Variants in CTNNBL1 observed in about 807,000 individuals in gnomAD.
CTNNBL1 encodes the protein beta-catenin-like protein 1.
A neutral mutation model predicts 72.7 loss-of-function variants in CTNNBL1; 31 were observed. That is an observed-to-expected ratio of 0.43 (90% CI 0.32 to 0.58). The LOEUF (loss-of-function observed/expected upper bound fraction) is 0.58. CTNNBL1 is among the 20% of genes least tolerant of loss of function. The pLI, the probability that CTNNBL1 is intolerant of heterozygous loss-of-function variation, is 0.08. For missense variants in CTNNBL1, 534 were observed against 725.1 expected, an observed-to-expected ratio of 0.74 and a Z score of 3.03; for synonymous variants, 240 against 267.3, an observed-to-expected ratio of 0.90 and a Z score of 1.00.
intron 10 of CTNNBL1, among the ~76,000 whole-genome samples, chr20:37,789,280 G>A (rs1040641561): frequency 4.6e-5 from 7 of 152,162 alleles, no homozygotes; most frequent in Non-Finnish European, 8.8e-5. Flanking sequence ...TTTGTGCATC[G>A]GGCAGCTCAG....
At chr20:37,785,874 C>T (rs2073668670) in intron 10 of CTNNBL1, among the ~76,000 whole-genome samples, 1 of 152,148 alleles carries the variant, frequency 6.6e-6, no homozygotes, top group Non-Finnish European at 1.5e-5. Context: ...TGTTTGTATT[C>T]ATCCTTCTTG....
intron 4 of CTNNBL1, among the ~76,000 whole-genome samples, chr20:37,748,013 C>T (rs541125159): frequency 6.6e-6 from 1 of 152,212 alleles, no homozygotes; most frequent in Admixed American, 6.5e-5. Context: ...ATTGCAAAGG[C>T]TTTTGATGTG....
At chr20:37,792,604 C>T (rs1348337821) in intron 10 of CTNNBL1, among the ~76,000 whole-genome samples, 1 of 152,098 alleles carries the variant, frequency 6.6e-6, no homozygotes, top group Non-Finnish European at 1.5e-5. Flanking sequence ...CTCGTTGGAG[C>T]ATTTTGAATT....
chr20:37,802,782 T>C, intron 10 of CTNNBL1, 85 bp from the exon 11 acceptor site: 1 of 1,076,574 alleles, frequency 9.3e-7, no homozygotes, highest in Non-Finnish European at 1.4e-6. Flanking sequence ...ATGTATAATG[T>C]GTACGGCAGC....
chr20:37,866,515 G>A (rs2072538285), intron 15 of CTNNBL1, among the ~76,000 whole-genome samples: 1 of 152,330 alleles, frequency 6.6e-6, no homozygotes, highest in South Asian at 2.1e-4. Flanking sequence ...ATGAGGTGAA[G>A]TGCTGTATGT....
chr20:37,762,665 G>T (rs917078915), intron 5 of CTNNBL1, among the ~76,000 whole-genome samples: 2 of 152,186 alleles, frequency 1.3e-5, no homozygotes, highest in Admixed American at 6.5e-5. Flanking sequence ...GACCCAAGGG[G>T]TTAGAGGGAA....
intron 1 of CTNNBL1, among the ~76,000 whole-genome samples, chr20:37,709,205 T>G (rs960581160): frequency 6.6e-6 from 1 of 152,206 alleles, no homozygotes; most frequent in Non-Finnish European, 1.5e-5. Flanking sequence ...TCTGAATATA[T>G]CTGACTTTAT....
At chr20:37,841,727 G>A (rs2072305809) in intron 12 of CTNNBL1, among the ~76,000 whole-genome samples, 1 of 152,140 alleles carries the variant, frequency 6.6e-6, no homozygotes, top group Non-Finnish European at 1.5e-5. Context: ...CAAATCCACT[G>A]AGTGTTCCTC....
At chr20:37,810,296 G>T (rs1437854083) in intron 11 of CTNNBL1, among the ~76,000 whole-genome samples, 1 of 152,196 alleles carries the variant, frequency 6.6e-6, no homozygotes, top group Non-Finnish European at 1.5e-5. Flanking sequence ...GGAAGAGATC[G>T]TGTGCAGAGA....
chr20:37,737,391 A>T lies in CTNNBL1; in HGVS notation c.233A>T (p.Asp78Val). ...EEEEEEEEPLDESSVKKMILT... is the reference protein window; with the variant it reads ...EEEEEEEEPLVESSVKKMILT... ...TCTTTGTACCAGGAGGAGCCATTGG[A>T]TGAAAGCTCAGTGAAGAAAATGATC... Residue 78 changes from aspartate to valine, a missense_variant, in exon 3 of 16, where the codon GAT becomes GTT. Transcript: ENST00000361383. 6.2e-7 allele frequency: 1 copy of T among 1,613,352 alleles called. No individual in the cohort carries two copies. Among genetic ancestry groups the T allele is most frequent in the Non-Finnish European group, 8.5e-7 (1 of 1,179,436 alleles).
At chr20:37,868,214 G>A (rs1164524195) in intron 15 of CTNNBL1, among the ~76,000 whole-genome samples, 1 of 152,146 alleles carries the variant, frequency 6.6e-6, no homozygotes, top group African/African-American at 2.4e-5. Context: ...AAGACTAGGG[G>A]CCAGGCAGGG....
intron 10 of CTNNBL1, among the ~76,000 whole-genome samples, chr20:37,789,283 C>A (rs1271592456): frequency 6.6e-6 from 1 of 152,186 alleles, no homozygotes; most frequent in African/African-American, 2.4e-5. Context: ...GTGCATCGGG[C>A]AGCTCAGCCT....
intron 4 of CTNNBL1, among the ~76,000 whole-genome samples, chr20:37,747,905 A>G (rs2073282409): frequency 6.6e-6 from 1 of 152,230 alleles, no homozygotes. Context: ...CTTGATACAT[A>G]GTAGGTACTT....
rs982316380 is a variant in CTNNBL1, at chr20:37,845,617, G to A, written c.1392+3198G>A. Among the ~76,000 whole-genome samples the A allele has an allele frequency of 4.6e-5, 7 of 152,202 alleles. No individual in the cohort carries two copies. In the East Asian group the frequency reaches 1.3e-3, roughly 29 times the overall value. On this transcript the variant is annotated intron_variant, in intron 13 of 15. Coordinates refer to ENST00000361383, the MANE Select transcript of CTNNBL1 (RefSeq NM_030877.5). Reference sequence around the variant, plus strand: ...GCACTCAGGCGCCATCCTAGCAGATGAAGCCGCCTCACAGGTGTAAAGTGA... The same window carrying A: ...GCACTCAGGCGCCATCCTAGCAGATAAAGCCGCCTCACAGGTGTAAAGTGA...
In CTNNBL1 at chr20:37,768,106, T is replaced by TG. The variant is rs1023689781; in HGVS notation, c.750+65dup. The TG allele has an allele frequency of 2.0e-5, 27 of 1,360,200 alleles. No homozygotes were observed. In the East Asian group the frequency reaches 2.1e-4, roughly 10 times the overall value. The allele number at this position is 1,360,200 out of a possible 1,614,324, so 84.3% of individuals were successfully genotyped here. A position where few individuals can be genotyped will look rare whatever the true frequency, so the allele number is the denominator to read the frequency against. On this transcript the variant is annotated intron_variant, in intron 7 of 15. Transcript: ENST00000361383. ...TCTTTGCTCTGGGCTTGATTGATGC[T>TG]GGGTTATTGGCATAGACTGTTATGC...
chr20:37,848,664 TA>T (rs2072368270), intron 13 of CTNNBL1, among the ~76,000 whole-genome samples: 1 of 152,146 alleles, frequency 6.6e-6, no homozygotes, highest in Non-Finnish European at 1.5e-5. Context: ...TCATCCTTTT[TA>T]CTCTTGGAAG....
intron 11 of CTNNBL1, among the ~76,000 whole-genome samples, chr20:37,820,129 G>A (rs887901523): frequency 6.6e-5 from 10 of 151,730 alleles, no homozygotes; most frequent in Non-Finnish European, 1.5e-4. Context: ...CACCCGTCTC[G>A]GCCTCCCAAA....
chr20:37,745,364 TAA>T (rs768932983), intron 3 of CTNNBL1, among the ~76,000 whole-genome samples: 1 of 152,192 alleles, frequency 6.6e-6, no homozygotes, highest in African/African-American at 2.4e-5. Flanking sequence ...TCTGTGGATA[TAA>T]GAGACAAAGA....
chr20:37,770,662 T>A (rs1233051586), intron 7 of CTNNBL1, among the ~76,000 whole-genome samples: 1 of 152,216 alleles, frequency 6.6e-6, no homozygotes, highest in African/African-American at 2.4e-5. Context: ...TTTGATAGTT[T>A]AGCAAGCTAT....
Sources: allele counts gnomAD v4.1 joint callset (sites outside exome capture counted in the v4.1 genomes callset), GRCh38; gene constraint gnomAD v4.1.1; transcripts MANE v1.5; gene names NCBI Gene and HGNC (gene_info 2026-07-23, HGNC 2026-07-21).